The following DYNC1H1 variants were observed in gnomAD, a reference collection of about 807,000 sequenced individuals.
DYNC1H1 encodes dynein cytoplasmic 1 heavy chain 1.
A neutral mutation model predicts 527.1 loss-of-function variants in DYNC1H1; 51 were observed. The ratio of observed to expected loss-of-function variants is 0.10; its 90% CI spans 0.08 to 0.12. The LOEUF (loss-of-function observed/expected upper bound fraction) is 0.12. DYNC1H1 is among the 10% of genes least tolerant of loss of function. The pLI, the probability that DYNC1H1 is intolerant of heterozygous loss-of-function variation, is 1.00. For missense variants in DYNC1H1, 2,771 were observed against 5,971.8 expected (o/e 0.46, Z 17.66); for synonymous variants, 2,189 against 2,278.8 (o/e 0.96, Z 1.12).
chr14:102,011,430 C>T lies in DYNC1H1; in HGVS notation c.6619-445C>T. The T allele has an allele frequency of 2.9e-6, 1 of 343,066 alleles. No homozygotes were observed. The highest frequency in any genetic ancestry group is 5.6e-6 in the Non-Finnish European group (1 of 177,810). The allele number at this position is 343,066 out of a possible 1,614,324, so 21.3% of individuals were successfully genotyped here. A position where few individuals can be genotyped will look rare whatever the true frequency, so the allele number is the denominator to read the frequency against. On this transcript the variant is annotated intron_variant, in intron 32 of 77. Coordinates refer to ENST00000360184, the MANE Select transcript of DYNC1H1 (RefSeq NM_001376.5). This position sits in a 1 kb window ranked among gnomAD's most constrained non-coding sequence, Gnocchi z 5.3. ...AACACATAGCTCATCCATTGGGTCT[C>T]TTGTTGTCCTCGGCGGGATCTGATG...
intron 23 of DYNC1H1, among the ~76,000 whole-genome samples, 163 bp from the exon 24 acceptor site, chr14:102,004,355 T>TC (rs1182411487): frequency 6.6e-6 from 1 of 152,240 alleles, no homozygotes; most frequent in African/African-American, 2.4e-5. Context: ...GTGTGTATCT[T>TC]TTGCCAAGGG....
In DYNC1H1 at chr14:102,043,986, G is replaced by C; in HGVS notation, c.12625G>C (p.Glu4209Gln). Residue 4209 changes from glutamate to glutamine, a missense_variant, in exon 70 of 78, where the codon GAG becomes CAG. Physicochemically the swap from Glu to Gln is conservative, Grantham distance 29 (BLOSUM62 2). Coordinates refer to ENST00000360184, the MANE Select transcript of DYNC1H1 (RefSeq NM_001376.5). ...GTGGTCAAAGAAGTATGAATTTGGA[G>C]AGTCTGACCTGCGGTCAGCTTGCGA... ...LGWSKKYEFG[E>Q]SDLRSACDTV... 1.9e-6 allele frequency: 3 copies of C among 1,614,240 alleles called. No homozygotes were observed. The highest frequency in any genetic ancestry group is 2.5e-6 in the Non-Finnish European group (3 of 1,180,040).
intron 1 of DYNC1H1, among the ~76,000 whole-genome samples, chr14:101,970,952 G>A (rs2047730505): frequency 6.6e-6 from 1 of 152,128 alleles, no homozygotes; most frequent in South Asian, 2.1e-4. Context: ...GTACATGAGG[G>A]AATGAGCAAG....
rs1449848512 is a variant in DYNC1H1 at position 102,047,648 on chromosome 14, T to C, written c.13007-169T>C. 12 of 482,864 alleles carry C rather than the reference T, an allele frequency of 2.5e-5. No homozygotes were observed. In the East Asian group the frequency reaches 5.3e-4, roughly 21 times the overall value. The allele number at this position is 482,864 out of a possible 1,614,324, so 29.9% of individuals were successfully genotyped here. On this transcript the variant is annotated intron_variant, in intron 72 of 77. Transcript: ENST00000360184. ...GTGTGTGTGTGTGTGTGTGTATATA[T>C]ATATATATATATATATGTACACACG...
rs372369918 is a variant in DYNC1H1, at chr14:101,983,682, TG to T, written c.1461+74del. On this transcript the variant is annotated intron_variant, in intron 7 of 77. Transcript: ENST00000360184. This position sits in a 1 kb window ranked among gnomAD's most constrained non-coding sequence, Gnocchi z 5.3. Reference sequence around the variant, plus strand: ...TGTTTTTTGTTTGGTGTTTTTTTTTTGTTGTTGTTGTTGAGATGAAGTTTCA... The same window carrying T: ...TGTTTTTTGTTTGGTGTTTTTTTTTTTTGTTGTTGTTGAGATGAAGTTTCA... 2.9e-3 allele frequency: 3,996 copies of T among 1,391,904 alleles called. 5 individuals carry two copies. The highest frequency in any genetic ancestry group is 0.011 in the African/African-American group (692 of 65,172). 86.2% of individuals were successfully genotyped at this position (1,391,904 alleles called of 1,614,324 possible).
Position 102,005,015 on chromosome 14 carries a change from T to C in DYNC1H1, c.5239-27T>C, listed in dbSNP as rs766137107. 6.2e-6 allele frequency: 10 copies of C among 1,614,074 alleles called. No individual in the cohort carries two copies. The Admixed American group carries it at 1.5e-4, about 24-fold the overall frequency. Reference sequence around the variant, plus strand: ...GCAGACCAATCTTTAAAATGATCCTTTGGGATCTTGTTTCTGTGTCTTTCA... The same window carrying C: ...GCAGACCAATCTTTAAAATGATCCTCTGGGATCTTGTTTCTGTGTCTTTCA... On this transcript the variant is annotated intron_variant, in intron 25 of 77. Transcript: ENST00000360184. The surrounding 1 kb of genome is among the most constrained non-coding windows in gnomAD (Gnocchi z 4.0).
chr14:102,049,177 A>T lies in DYNC1H1; in HGVS notation c.13373-263A>T. Reference sequence around the variant, plus strand: ...GCCGCGGTTTTGCTTGGATGTGATTATGGTCCTCCAGAAAGACACACCTGG... The same window carrying T: ...GCCGCGGTTTTGCTTGGATGTGATTTTGGTCCTCCAGAAAGACACACCTGG... On this transcript the variant is annotated intron_variant, in intron 74 of 77. Transcript: ENST00000360184. This position sits in a 1 kb window ranked among gnomAD's most constrained non-coding sequence, Gnocchi z 5.5. The T allele has an allele frequency of 1.8e-6, 1 of 547,288 alleles. No homozygotes were observed. Among genetic ancestry groups the T allele is most frequent in the Non-Finnish European group, 3.3e-6 (1 of 303,746 alleles). The allele number at this position is 547,288 out of a possible 1,614,324, so 33.9% of individuals were successfully genotyped here. A position where few individuals can be genotyped will look rare whatever the true frequency, so the allele number is the denominator to read the frequency against.
At chr14:102,047,696 C>G (rs2048745297) in intron 72 of DYNC1H1, 121 bp from the exon 73 acceptor site, 1 of 1,037,638 alleles carries the variant, frequency 9.6e-7, no homozygotes, top group African/African-American at 1.7e-5. Flanking sequence ...CCAGATTTTG[C>G]TGCAGTTCCC....
At chr14:101,990,671 T>C (rs926452135) in intron 10 of DYNC1H1, among the ~76,000 whole-genome samples, 1 of 152,058 alleles carries the variant, frequency 6.6e-6, no homozygotes, top group African/African-American at 2.4e-5. Context: ...GCTCTGAAGT[T>C]TGAGACCAGC....
chr14:101,999,849 G>T, intron 16 of DYNC1H1, 140 bp from the exon 17 acceptor site: 1 of 1,179,378 alleles, frequency 8.5e-7, no homozygotes, highest in African/African-American at 1.5e-5. Context: ...ACATCTTGTT[G>T]AATGTTTCCT....
chr14:102,032,564 T>C (rs1046895506), intron 52 of DYNC1H1, 97 bp downstream of exon 52: 2 of 1,497,104 alleles, frequency 1.3e-6, no homozygotes, highest in African/African-American at 2.8e-5. Flanking sequence ...AACTTTCGGC[T>C]GTTCAGGCCA....
chr14:102,044,827 TG>T lies in DYNC1H1; in HGVS notation c.13006+132del, dbSNP rs2048696778. The T allele has an allele frequency of 9.1e-7, 1 of 1,094,344 alleles. No homozygotes were observed. Among genetic ancestry groups the T allele is most frequent in the African/African-American group, 1.6e-5 (1 of 64,482 alleles). The allele number at this position is 1,094,344 out of a possible 1,614,324, so 67.8% of individuals were successfully genotyped here. ...GTCCCAGGGCCCTCCCTGGTTATGCTGGGTGTGGCTCTGTCAGCCTCGGCCT... is the reference window on the plus strand; with the variant it reads ...GTCCCAGGGCCCTCCCTGGTTATGCTGGTGTGGCTCTGTCAGCCTCGGCCT... On this transcript the variant is annotated intron_variant, in intron 72 of 77. Coordinates refer to ENST00000360184, the MANE Select transcript of DYNC1H1 (RefSeq NM_001376.5). This position sits in a 1 kb window ranked among gnomAD's most constrained non-coding sequence, Gnocchi z 7.1.
chr14:101,971,292 T>G (rs1328432780), intron 1 of DYNC1H1, among the ~76,000 whole-genome samples: 1 of 151,870 alleles, frequency 6.6e-6, no homozygotes, highest in Non-Finnish European at 1.5e-5. Context: ...CAGACTGGTC[T>G]CAAACTCCTG....
chr14:101,987,445 TC>T lies in DYNC1H1; in HGVS notation c.2539-6del. On this transcript the variant is annotated splice_polypyrimidine_tract_variant and splice_region_variant and intron_variant, in intron 8 of 77. Coordinates refer to ENST00000360184, the MANE Select transcript of DYNC1H1 (RefSeq NM_001376.5). ...GGTGTTTTAAATATTAAATATTTCT[TC>T]CTTCAGGTGGATGATCTGCTGATCA... is the stretch of plus-strand genomic sequence containing the variant. The T allele has an allele frequency of 6.2e-7, 1 of 1,613,632 alleles. No individual in the cohort carries two copies. Among genetic ancestry groups the T allele is most frequent in the Non-Finnish European group, 8.5e-7 (1 of 1,179,676 alleles).
rs773670664 is a variant in DYNC1H1 at position 101,986,781 on chromosome 14, C to T, written c.2538+18C>T. On this transcript the variant is annotated intron_variant, in intron 8 of 77. Transcript: ENST00000360184. The surrounding 1 kb of genome is among the most constrained non-coding windows in gnomAD (Gnocchi z 8.7). ...AAGAAAAGGTATGCTCTCATGTAAT[C>T]CTCAGGTGTCCTGGTAACGAATGAA... is the stretch of plus-strand genomic sequence containing the variant. 6.2e-7 allele frequency: 1 copy of T among 1,613,338 alleles called. No individual in the cohort carries two copies.
rs2047934833 is a variant in DYNC1H1 at position 101,986,208 on chromosome 14, C to T, written c.1983C>T (p.Tyr661=). 6.2e-7 allele frequency: 1 copy of T among 1,614,166 alleles called. No homozygotes were observed. Among genetic ancestry groups the T allele is most frequent in the Non-Finnish European group, 8.5e-7 (1 of 1,180,046 alleles). The change falls in exon 8 of 78, where the codon TAC becomes TAT. Residue 661 remains tyrosine (Y), a synonymous_variant. Coordinates refer to ENST00000360184, the MANE Select transcript of DYNC1H1 (RefSeq NM_001376.5). The surrounding 1 kb of genome is among the most constrained non-coding windows in gnomAD (Gnocchi z 8.7). ...AGATCGACAGGCAGCTGACGGCCTA[C>T]ATGAAGCGGGTGGAAGATGTCCTTG... is the stretch of plus-strand genomic sequence containing the variant. The part of the protein sequence containing the change: ...AKQIDRQLTA[Y]MKRVEDVLGK...
intron 1 of DYNC1H1, among the ~76,000 whole-genome samples, chr14:101,966,828 G>C (rs1018516632): frequency 6.6e-6 from 1 of 151,908 alleles, no homozygotes; most frequent in Admixed American, 6.6e-5. Flanking sequence ...AAATTATTGG[G>C]GTGGGGGGAC....
chr14:102,026,001 G>A (rs1217255174), intron 43 of DYNC1H1, among the ~76,000 whole-genome samples: 1 of 151,956 alleles, frequency 6.6e-6, no homozygotes, highest in African/African-American at 2.4e-5. Context: ...TGTAGTCCCA[G>A]CTACTTGGGA....
chr14:102,012,459 C>A lies in DYNC1H1; in HGVS notation c.7003C>A (p.Leu2335Ile). The change falls in exon 34 of 78, where the codon CTT becomes ATT. Residue 2335 changes from leucine to isoleucine, a missense_variant. Leu to Ile is a conservative substitution (Grantham distance 5). Transcript: ENST00000360184. This position sits in a 1 kb window ranked among gnomAD's most constrained non-coding sequence, Gnocchi z 4.9. ...LTLPNGERLSLPPNVRIMFEV... is the reference protein window; with the variant it reads ...LTLPNGERLSIPPNVRIMFEV... The stretch of plus-strand genomic sequence containing the variant: ...TTTGCCCAATGGAGAGCGCCTCAGT[C>A]TTCCACCCAATGTAAGTAGCCTTTT... 1 of 1,614,186 alleles carries A rather than the reference C, an allele frequency of 6.2e-7. No homozygotes were observed. The highest frequency in any genetic ancestry group is 8.5e-7 in the Non-Finnish European group (1 of 1,180,038).
Sources: gnomAD v4.1 joint callset for allele counts (sites outside exome capture counted in the v4.1 genomes callset) on GRCh38, gnomAD v4.1.1 for gene constraint, Gnocchi (gnomAD v3.1) non-coding constraint, MANE v1.5 for transcripts, NCBI Gene and HGNC (gene_info 2026-07-23, HGNC 2026-07-21) for gene names.